Variants in KHDRBS3 observed in about 807,000 individuals in gnomAD.
KHDRBS3 encodes KH RNA binding domain containing, signal transduction associated 3.
KHDRBS3 carries 23 observed loss-of-function variants against 45.6 expected under a neutral mutation model. The observed-to-expected ratio is 0.50, with a 90% CI of 0.36 to 0.72. The LOEUF (loss-of-function observed/expected upper bound fraction) is 0.72, where lower values mean the gene tolerates loss of function less well. Ranked by LOEUF, KHDRBS3 falls within the 30% of genes least tolerant of loss-of-function variation. KHDRBS3 has a pLI of 0.00. For synonymous variants in KHDRBS3, 162 were observed against 156.5 expected (o/e 1.04, Z -0.26); for missense variants, 352 against 424.8 (o/e 0.83, Z 1.51).
At chr8:135,632,265 G>A (rs187186883) in intron 7 of KHDRBS3, among the ~76,000 whole-genome samples, 2 of 152,244 alleles carry the variant, frequency 1.3e-5, no homozygotes, top group East Asian at 1.9e-4. Context: ...GGAATCCGTC[G>A]TTCCTTCTGA....
chr8:135,647,245 G>T lies in KHDRBS3; in HGVS notation c.*161G>T. On this transcript the variant is annotated 3_prime_UTR_variant, in exon 9 of 9. Transcript: ENST00000355849. ...CTTTGTTGAAACATCAACCTGGGCA[G>T]AAAAAAAAAAAAAAAGACATGTAAA... 49 of 193,288 alleles carry T rather than the reference G, an allele frequency of 2.5e-4. No individual in the cohort carries two copies. The highest frequency in any genetic ancestry group is 3.7e-4 in the East Asian group (4 of 10,760). 12.0% of individuals were successfully genotyped at this position (193,288 alleles called of 1,614,324 possible). A position where few individuals can be genotyped will look rare whatever the true frequency, so the allele number is the denominator to read the frequency against.
intron 1 of KHDRBS3, among the ~76,000 whole-genome samples, chr8:135,465,298 T>A (rs1259272024): frequency 6.6e-6 from 1 of 152,250 alleles, no homozygotes; most frequent in Non-Finnish European, 1.5e-5. Flanking sequence ...AAGTACAGTG[T>A]CTAACACATA....
chr8:135,528,322 T>A (rs1464324849), intron 2 of KHDRBS3, among the ~76,000 whole-genome samples: 1 of 152,192 alleles, frequency 6.6e-6, no homozygotes, highest in Non-Finnish European at 1.5e-5. Context: ...TTGCATTTTT[T>A]CCTTGTAGTA....
At chr8:135,537,068 C>T (rs1355763329) in intron 2 of KHDRBS3, among the ~76,000 whole-genome samples, 1 of 150,768 alleles carries the variant, frequency 6.6e-6, no homozygotes, top group East Asian at 1.9e-4. Flanking sequence ...AACGCCCTCT[C>T]TATTCATGTT....
intron 6 of KHDRBS3, among the ~76,000 whole-genome samples, chr8:135,605,009 T>G (rs1829393913): frequency 6.6e-6 from 1 of 151,892 alleles, no homozygotes; most frequent in African/African-American, 2.4e-5. Flanking sequence ...CAGCTGCTAA[T>G]ATTATAAAAA....
intron 7 of KHDRBS3, among the ~76,000 whole-genome samples, chr8:135,627,793 TCTC>T (rs1830437997): frequency 6.6e-6 from 1 of 152,174 alleles, no homozygotes; most frequent in African/African-American, 2.4e-5. Flanking sequence ...CCTCTAGCCA[TCTC>T]CTTTTGATTC....
At chr8:135,544,102 AAGTAC>A (rs1239689088) in intron 3 of KHDRBS3, among the ~76,000 whole-genome samples, 1 of 152,174 alleles carries the variant, frequency 6.6e-6, no homozygotes, top group Non-Finnish European at 1.5e-5. Context: ...TTTTGCAGGA[AAGTAC>A]TCTACCCTTG....
rs149172378 is a variant in KHDRBS3 at position 135,542,267 on chromosome 8, A to G, written c.208-387A>G. ...AAGAACCAGGTATTCCACAGTGACCAGTCTAGTGCATGTTAGAGACACCTG... is the reference window on the plus strand; with the variant it reads ...AAGAACCAGGTATTCCACAGTGACCGGTCTAGTGCATGTTAGAGACACCTG... On this transcript the variant is annotated intron_variant, in intron 2 of 8. Transcript: ENST00000355849. 342 of 159,490 alleles carry G rather than the reference A, an allele frequency of 2.1e-3. 2 individuals carry two copies. Among genetic ancestry groups the G allele is most frequent in the African/African-American group, 7.7e-3 (320 of 41,720 alleles). The allele number at this position is 159,490 out of a possible 1,614,324, so 9.9% of individuals were successfully genotyped here.
intron 2 of KHDRBS3, among the ~76,000 whole-genome samples, chr8:135,530,532 A>G: frequency 6.6e-6 from 1 of 152,236 alleles, no homozygotes; most frequent in Non-Finnish European, 1.5e-5. Context: ...CTTATGAGCC[A>G]GCCTGACCTG....
intron 1 of KHDRBS3, among the ~76,000 whole-genome samples, chr8:135,471,226 T>C (rs1176046791): frequency 6.6e-6 from 1 of 152,184 alleles, no homozygotes; most frequent in Non-Finnish European, 1.5e-5. Flanking sequence ...AAGTAGTCTT[T>C]TAGGTTTGGA....
rs78160836 is a variant in KHDRBS3 at position 135,608,951 on chromosome 8, G to C, written c.890+1914G>C. Among the ~76,000 whole-genome samples, 1,342 of 152,262 alleles carry C rather than the reference G, an allele frequency of 8.8e-3. 13 individuals carry two copies. Among genetic ancestry groups the C allele is most frequent in the African/African-American group, 0.024 (994 of 41,532 alleles). On this transcript the variant is annotated intron_variant, in intron 7 of 8. Transcript: ENST00000355849. ...GATAAAAAGTGGTATACCCATACAGGTCACTTACCATGAATGCAGCTCGAA... is the reference window on the plus strand; with the variant it reads ...GATAAAAAGTGGTATACCCATACAGCTCACTTACCATGAATGCAGCTCGAA...
At chr8:135,497,721 T>C (rs570650472) in intron 1 of KHDRBS3, among the ~76,000 whole-genome samples, 2 of 152,352 alleles carry the variant, frequency 1.3e-5, no homozygotes, top group African/African-American at 4.8e-5. Context: ...GGAGTTGCTC[T>C]TTATGCACTG....
chr8:135,462,372 C>G (rs927818528), intron 1 of KHDRBS3, among the ~76,000 whole-genome samples: 1 of 151,746 alleles, frequency 6.6e-6, no homozygotes, highest in Non-Finnish European at 1.5e-5. Context: ...ACATTAGTAA[C>G]AGGCTTATAG....
At chr8:135,536,119 C>G (rs1269875250) in intron 2 of KHDRBS3, among the ~76,000 whole-genome samples, 1 of 151,956 alleles carries the variant, frequency 6.6e-6, no homozygotes, top group Non-Finnish European at 1.5e-5. Context: ...GCTAGCCCAC[C>G]CCAGATGAGC....
At chr8:135,492,171 T>C (rs373783657) in intron 1 of KHDRBS3, among the ~76,000 whole-genome samples, 87 of 152,274 alleles carry the variant, frequency 5.7e-4, no homozygotes, top group Middle Eastern at 3.4e-3. Flanking sequence ...GGGATCCCTA[T>C]GATCCAGTAA....
At chr8:135,468,986 C>T (rs1821840465) in intron 1 of KHDRBS3, among the ~76,000 whole-genome samples, 1 of 152,162 alleles carries the variant, frequency 6.6e-6, no homozygotes, top group South Asian at 2.1e-4. Context: ...GAAATAGTTA[C>T]CTTTCCCTAA....
At chr8:135,513,063 A>G (rs766170022) in intron 1 of KHDRBS3, among the ~76,000 whole-genome samples, 5 of 152,090 alleles carry the variant, frequency 3.3e-5, no homozygotes, top group African/African-American at 4.8e-5. Flanking sequence ...AGCTGGGCGC[A>G]GTGGCAGGCA....
Position 135,582,017 on chromosome 8 carries a change from C to A in KHDRBS3, c.751C>A (p.Pro251Thr), listed in dbSNP as rs765618110. ...LLTPRARGVP[P>T]TGYRPPPPPP... is the part of the protein sequence containing the mutation. ...CACTCCCAGAGCAAGAGGAGTCCCC[C>A]CAACTGGGTACAGACCTCCACCGCC... The change falls in exon 6 of 9, where the codon CCA (proline) becomes ACA (threonine). Residue 251 changes from proline (P) to threonine (T), a missense_variant. Physicochemically the swap from Pro to Thr is conservative, Grantham distance 38. This residue lies in a region of KHDRBS3 where 212 missense variants were observed against 209.6 expected (regional missense o/e 1.01). Transcript: ENST00000355849. 6.2e-7 allele frequency: 1 copy of A among 1,612,136 alleles called. No individual in the cohort carries two copies. Among genetic ancestry groups the A allele is most frequent in the Non-Finnish European group, 8.5e-7 (1 of 1,178,982 alleles).
chr8:135,508,970 A>G (rs760989693), intron 1 of KHDRBS3, among the ~76,000 whole-genome samples: 2 of 152,234 alleles, frequency 1.3e-5, no homozygotes, highest in Non-Finnish European at 2.9e-5. Flanking sequence ...AAAATGAGTC[A>G]TTAGAAGAGA....
Sources: gnomAD v4.1 joint callset for allele counts (sites outside exome capture counted in the v4.1 genomes callset) on GRCh38, gnomAD v4.1.1 for gene constraint, gnomAD v4.1.1 regional missense constraint, MANE v1.5 for transcripts, NCBI Gene and HGNC (gene_info 2026-07-23, HGNC 2026-07-21) for gene names.